Variants in ROCK1 observed in about 807,000 individuals in gnomAD.
ROCK1 encodes rho-associated protein kinase 1.
Under a neutral mutation model 196.8 loss-of-function variants are expected in ROCK1, and 36 were observed. That is an observed-to-expected ratio of 0.18 (90% CI 0.14 to 0.24). ROCK1 has a LOEUF of 0.24. Ranked by LOEUF, ROCK1 falls within the 10% of genes least tolerant of loss-of-function variation. The probability of loss-of-function intolerance (pLI) is 1.00; values close to 1 mark genes in which losing one functional copy is unlikely to be tolerated. For missense variants in ROCK1, 920 were observed against 1,562.0 expected (o/e 0.59, Z 6.93); for synonymous variants, 443 against 515.9 (o/e 0.86, Z 1.91).
chr18:20,983,262 A>G (rs1279112562), intron 20 of ROCK1, among the ~76,000 whole-genome samples: 1 of 149,976 alleles, frequency 6.7e-6, no homozygotes, highest in Non-Finnish European at 1.5e-5. Flanking sequence ...ACTATATTTA[A>G]TAAGTAATAA....
intron 4 of ROCK1, among the ~76,000 whole-genome samples, chr18:21,046,713 T>G (rs1248068224): frequency 6.6e-6 from 1 of 152,162 alleles, no homozygotes; most frequent in Non-Finnish European, 1.5e-5. Flanking sequence ...ACAAGAAGTT[T>G]AGAATTAAAC....
At chr18:21,076,434 G>T (rs1299824536) in intron 1 of ROCK1, among the ~76,000 whole-genome samples, 2 of 152,170 alleles carry the variant, frequency 1.3e-5, no homozygotes, top group Non-Finnish European at 1.5e-5. Flanking sequence ...AACCCAGGAG[G>T]TGGAGATTGC....
chr18:20,957,816 A>C (rs529899413), intron 29 of ROCK1, among the ~76,000 whole-genome samples: 70 of 152,232 alleles, frequency 4.6e-4, no homozygotes, highest in Admixed American at 1.1e-3. Flanking sequence ...TAAAAAAAAA[A>C]AAAAAAATTC....
Position 21,045,902 on chromosome 18 carries a change from T to TC in ROCK1, c.415-436_415-435insG, listed in dbSNP as rs61209176. Among the ~76,000 whole-genome samples, 171 of 94,396 alleles carry TC rather than the reference T, an allele frequency of 1.8e-3. 13 individuals are homozygous for TC. The highest frequency in any genetic ancestry group is 8.5e-3 in the African/African-American group (114 of 13,452). The allele number at this position is 94,396 out of a possible 152,430, so 61.9% of individuals were successfully genotyped here. A position where few individuals can be genotyped will look rare whatever the true frequency, so the allele number is the denominator to read the frequency against. ...AATTTGGCTTACAGTTTCAGCTGTT[T>TC]TTTTTTTTTTTTTTTTTTTTTTTTT... On this transcript the variant is annotated intron_variant, in intron 4 of 32. Coordinates refer to ENST00000399799, the MANE Select transcript of ROCK1 (RefSeq NM_005406.3).
chr18:21,059,890 T>C (rs1482629509), intron 2 of ROCK1, among the ~76,000 whole-genome samples: 1 of 152,214 alleles, frequency 6.6e-6, no homozygotes, highest in African/African-American at 2.4e-5. Flanking sequence ...TATAACACTA[T>C]GAACAATGAA....
At chr18:21,050,052 C>G (rs1398997302) in intron 2 of ROCK1, among the ~76,000 whole-genome samples, 172 bp from the exon 3 acceptor site, 1 of 152,116 alleles carries the variant, frequency 6.6e-6, no homozygotes, top group East Asian at 1.9e-4. Flanking sequence ...GTTCAATTTG[C>G]TAAGATTTTT....
chr18:20,988,629 T>C (rs2035597232), intron 18 of ROCK1, among the ~76,000 whole-genome samples: 1 of 152,176 alleles, frequency 6.6e-6, no homozygotes, highest in African/African-American at 2.4e-5. Context: ...CTGCCTGTAA[T>C]GCACTTTCTC....
chr18:21,004,895 C>T (rs867772044), intron 16 of ROCK1, among the ~76,000 whole-genome samples: 1 of 152,198 alleles, frequency 6.6e-6, no homozygotes, highest in Non-Finnish European at 1.5e-5. Context: ...TTGCACAACA[C>T]TCCTCAGCTA....
At chr18:21,008,520 G>A in intron 13 of ROCK1, among the ~76,000 whole-genome samples, 1 of 152,176 alleles carries the variant, frequency 6.6e-6, no homozygotes, top group East Asian at 1.9e-4. Context: ...TGATCCGCCT[G>A]CCTCAGCCTC....
At chr18:21,089,306 C>T (rs527982465) in intron 1 of ROCK1, among the ~76,000 whole-genome samples, 1 of 152,188 alleles carries the variant, frequency 6.6e-6, no homozygotes, top group Admixed American at 6.5e-5. Context: ...GCAATCCACC[C>T]GCCTTGGCCT....
At chr18:21,056,376 G>T (rs372763651) in intron 2 of ROCK1, among the ~76,000 whole-genome samples, 2 of 152,096 alleles carry the variant, frequency 1.3e-5, no homozygotes, top group South Asian at 4.1e-4. Flanking sequence ...CACTTTGGCC[G>T]ATGGCTCAAT....
intron 27 of ROCK1, among the ~76,000 whole-genome samples, chr18:20,965,249 G>T (rs1235580269): frequency 6.6e-6 from 1 of 151,944 alleles, no homozygotes; most frequent in Non-Finnish European, 1.5e-5. Context: ...AAATTAGCCG[G>T]GTGTGGTGAT....
At chr18:21,023,432 T>G (rs1402360988) in intron 11 of ROCK1, among the ~76,000 whole-genome samples, 188 bp downstream of exon 11, 4 of 152,126 alleles carry the variant, frequency 2.6e-5, no homozygotes, top group Non-Finnish European at 4.4e-5. Context: ...TCCAAATATA[T>G]TATTCCATTT....
At chr18:20,978,386 C>T (rs1230390065) in intron 22 of ROCK1, among the ~76,000 whole-genome samples, 1 of 152,090 alleles carries the variant, frequency 6.6e-6, no homozygotes, top group Non-Finnish European at 1.5e-5. Flanking sequence ...TCTGATTAAG[C>T]TTCTAAATCA....
chr18:20,971,927 G>T (rs1289970538), intron 22 of ROCK1, among the ~76,000 whole-genome samples: 1 of 151,992 alleles, frequency 6.6e-6, no homozygotes, highest in Non-Finnish European at 1.5e-5. Context: ...AAAAGTAGGG[G>T]GAAGAGAACA....
At chr18:20,986,521 T>C (rs534863593) in intron 19 of ROCK1, among the ~76,000 whole-genome samples, 171 of 152,350 alleles carry the variant, frequency 1.1e-3, no homozygotes, top group Non-Finnish European at 2.1e-3. Flanking sequence ...TTTATCTGTT[T>C]ATTAACTGCT....
At chr18:21,017,222 C>T (rs868437239) in intron 12 of ROCK1, among the ~76,000 whole-genome samples, 7 of 125,968 alleles carry the variant, frequency 5.6e-5, no homozygotes, top group Non-Finnish European at 9.4e-5. Flanking sequence ...GATGAAATCT[C>T]GCTCTGTTGC....
chr18:21,051,997 C>T (rs1013702916), intron 2 of ROCK1, among the ~76,000 whole-genome samples: 2 of 152,080 alleles, frequency 1.3e-5, no homozygotes, highest in East Asian at 1.9e-4. Context: ...TATTGTAATA[C>T]CCCAGATGAG....
intron 20 of ROCK1, 121 bp downstream of exon 20, chr18:20,984,230 C>CT: frequency 1.3e-6 from 1 of 757,118 alleles, no homozygotes; most frequent in Non-Finnish European, 2.0e-6. Context: ...CTTCTAAATA[C>CT]TTTTTTTCTG....
Sources: gnomAD v4.1 joint callset for allele counts (sites outside exome capture counted in the v4.1 genomes callset) on GRCh38, gnomAD v4.1.1 for gene constraint, MANE v1.5 for transcripts, NCBI Gene and HGNC (gene_info 2026-07-23, HGNC 2026-07-21) for gene names.